Variants in DOCK4 observed in about 807,000 individuals in gnomAD.
The protein encoded by DOCK4 is dedicator of cytokinesis 4.
A neutral mutation model predicts 268.1 loss-of-function variants in DOCK4; 97 were observed. The observed-to-expected ratio is 0.36, with a 90% CI of 0.31 to 0.43. The LOEUF (loss-of-function observed/expected upper bound fraction) is 0.43. Ranked by LOEUF, DOCK4 falls within the 20% of genes least tolerant of loss-of-function variation. DOCK4 has a pLI of 1.00. For synonymous variants in DOCK4, 954 were observed against 887.2 expected (o/e 1.08, Z -1.34); for missense variants, 2,145 against 2,455.7 (o/e 0.87, Z 2.67).
intron 8 of DOCK4, among the ~76,000 whole-genome samples, chr7:111,954,674 A>G (rs1796318651): frequency 6.6e-6 from 1 of 152,190 alleles, no homozygotes; most frequent in Non-Finnish European, 1.5e-5. Flanking sequence ...CGTAGCTGTC[A>G]TGTCAGACTG....
At chr7:112,186,506 C>T (rs1193048325) in intron 1 of DOCK4, among the ~76,000 whole-genome samples, 2 of 152,050 alleles carry the variant, frequency 1.3e-5, no homozygotes, top group African/African-American at 4.8e-5. Context: ...GTCATGAGCA[C>T]GGAATGAAAT....
At chr7:111,848,356 T>C (rs905208165) in intron 23 of DOCK4, among the ~76,000 whole-genome samples, 1 of 152,212 alleles carries the variant, frequency 6.6e-6, no homozygotes, top group African/African-American at 2.4e-5. Context: ...CACAGGTCCC[T>C]GTGCTCAGAA....
intron 32 of DOCK4, among the ~76,000 whole-genome samples, chr7:111,787,752 T>C (rs544518799): frequency 3.6e-4 from 55 of 152,350 alleles, no homozygotes; most frequent in Non-Finnish European, 5.9e-4. Context: ...TGGGCATAAA[T>C]ACAAACACGA....
intron 1 of DOCK4, among the ~76,000 whole-genome samples, chr7:112,192,652 A>G (rs1820070916): frequency 2.6e-5 from 4 of 152,234 alleles, no homozygotes; most frequent in Admixed American, 2.6e-4. Context: ...TCAGGGTAAC[A>G]TCTATCTTGA....
rs759232164 is a variant in DOCK4, at chr7:111,847,016, T to C, written c.2584A>G (p.Ile862Val). The C allele has an allele frequency of 3.1e-6, 5 of 1,613,682 alleles. No individual in the cohort carries two copies. The highest frequency in any genetic ancestry group is 4.2e-6 in the Non-Finnish European group (5 of 1,179,650). Residue 862 changes from isoleucine to valine, a missense_variant, in exon 24 of 53, where the codon ATC becomes GTC. By Grantham distance (29) the Ile-to-Val change is conservative (BLOSUM62 3). Transcript: ENST00000428084. ...TTACTTACTGAGCTATTTTTCTTGA[T>C]AAGACAAAATACGTTGCTAAGGATA... is the stretch of plus-strand genomic sequence containing the variant. The part of the protein sequence containing the change: ...ARILSNVFCL[I>V]KKNSSEKSVL...
intron 42 of DOCK4, among the ~76,000 whole-genome samples, chr7:111,754,087 T>C (rs1441441010): frequency 6.6e-6 from 1 of 152,226 alleles, no homozygotes; most frequent in Non-Finnish European, 1.5e-5. Flanking sequence ...TAATGCAGCA[T>C]GGATGACTAA....
chr7:112,203,505 T>A (rs2116897647), intron 1 of DOCK4, among the ~76,000 whole-genome samples: 1 of 152,316 alleles, frequency 6.6e-6, no homozygotes, highest in East Asian at 1.9e-4. Flanking sequence ...TATAAAAGCA[T>A]AATTATCTCA....
chr7:111,931,383 A>ATC (rs1281686290), intron 12 of DOCK4, among the ~76,000 whole-genome samples: 1 of 152,186 alleles, frequency 6.6e-6, no homozygotes, highest in African/African-American at 2.4e-5. Context: ...GGTGGTTTGG[A>ATC]TCTCACTATC....
chr7:112,174,403 C>T lies in DOCK4; in HGVS notation c.37+31699G>A, dbSNP rs180803253. On this transcript the variant is annotated intron_variant, in intron 1 of 52. Transcript: ENST00000428084. ...AGGGTAAGCTGCTGACATTCTATCA[C>T]GAAAAGGTATGTGGAGTCATCTTGC... Among the ~76,000 whole-genome samples the T allele has an allele frequency of 2.2e-3, 337 of 152,140 alleles. 1 individual carries two copies. Among genetic ancestry groups the T allele is most frequent in the Non-Finnish European group, 3.4e-3 (234 of 68,014 alleles).
At position 112,068,207 on chromosome 7, in the gene DOCK4, C is replaced by A. The variant is rs557869463; in HGVS notation, c.38-64076G>T. Among the ~76,000 whole-genome samples, 8 of 152,136 alleles carry A rather than the reference C, an allele frequency of 5.3e-5. No homozygotes were observed. The South Asian group carries it at 1.7e-3, about 32-fold the overall frequency. The stretch of plus-strand genomic sequence containing the variant: ...AGTATAACAGCAGTATGACTTTGGT[C>A]CAGGAAAAATCCTTCTGGGTCAGTT... On this transcript the variant is annotated intron_variant, in intron 1 of 52. Coordinates refer to ENST00000428084, the MANE Select transcript of DOCK4 (RefSeq NM_001363540.2).
intron 51 of DOCK4, among the ~76,000 whole-genome samples, chr7:111,733,250 G>A (rs184572811): frequency 6.6e-6 from 1 of 152,332 alleles, no homozygotes; most frequent in East Asian, 1.9e-4. Flanking sequence ...GACCACAGAT[G>A]ATGACATAAG....
intron 1 of DOCK4, among the ~76,000 whole-genome samples, chr7:112,155,570 C>T (rs1467352864): frequency 6.6e-6 from 1 of 152,154 alleles, no homozygotes; most frequent in Non-Finnish European, 1.5e-5. Flanking sequence ...GGGTAATATT[C>T]CATATAAACT....
intron 13 of DOCK4, among the ~76,000 whole-genome samples, chr7:111,913,556 C>T (rs1022719730): frequency 2.6e-5 from 4 of 151,628 alleles, no homozygotes; most frequent in Middle Eastern, 3.4e-3. Flanking sequence ...ACTACAGGCG[C>T]CCGCCACCAC....
intron 47 of DOCK4, chr7:111,740,051 A>T (rs2133425358): frequency 2.5e-6 from 1 of 392,254 alleles, no homozygotes; most frequent in East Asian, 8.2e-5. Context: ...AAACTTTCTG[A>T]TATGTACATA....
At chr7:111,933,944 G>C (rs1039886118) in intron 12 of DOCK4, among the ~76,000 whole-genome samples, 2 of 152,100 alleles carry the variant, frequency 1.3e-5, no homozygotes, top group African/African-American at 2.4e-5. Context: ...TTCTCTTTGC[G>C]GTCAGTTTGG....
chr7:111,732,194 T>C (rs1040433030), intron 52 of DOCK4, 32 bp downstream of exon 52: 26 of 1,610,110 alleles, frequency 1.6e-5, no homozygotes, highest in Non-Finnish European at 2.2e-5. Context: ...ACTGGGCCAG[T>C]CTCTAGCCTC....
Position 112,058,163 on chromosome 7 carries a change from A to C in DOCK4, c.38-54032T>G, listed in dbSNP as rs1365328435. ...AGAGGGAATTCTAGTAGCAGTGACA[A>C]GCACCTTATCTTGGCTTTTCTATTC... On this transcript the variant is annotated intron_variant, in intron 1 of 52. Coordinates refer to ENST00000428084, the MANE Select transcript of DOCK4 (RefSeq NM_001363540.2). 2.0e-5 allele frequency among the ~76,000 whole-genome samples: 3 copies of C among 152,008 alleles called. No individual in the cohort carries two copies. The East Asian group carries it at 5.8e-4, about 29-fold the overall frequency.
Position 111,984,400 on chromosome 7 carries a change from A to C in DOCK4, c.465-10T>G. ...GTCCAGTCCCAGTTGTCTAGAAAAC[A>C]AATTGCAAAAGTTTGGGGGAAAAGT... is the stretch of plus-strand genomic sequence containing the variant. On this transcript the variant is annotated splice_polypyrimidine_tract_variant and intron_variant, in intron 6 of 52. Transcript: ENST00000428084. The C allele has an allele frequency of 1.2e-6, 2 of 1,608,658 alleles. No homozygotes were observed. The highest frequency in any genetic ancestry group is 1.7e-6 in the Non-Finnish European group (2 of 1,177,794).
At chr7:111,766,355 A>G (rs1042044191) in intron 38 of DOCK4, among the ~76,000 whole-genome samples, 1 of 152,118 alleles carries the variant, frequency 6.6e-6, no homozygotes, top group African/African-American at 2.4e-5. Flanking sequence ...TTTTTAATGT[A>G]TAAAAACTGA....
Sources: gnomAD v4.1 joint callset for allele counts (sites outside exome capture counted in the v4.1 genomes callset) on GRCh38, gnomAD v4.1.1 for gene constraint, MANE v1.5 for transcripts, NCBI Gene and HGNC (gene_info 2026-07-23, HGNC 2026-07-21) for gene names.